APLP2: variants seen among roughly 807,000 people sequenced by gnomAD.
The protein encoded by APLP2 is amyloid beta precursor like protein 2, also known as CDEI box-binding protein.
In APLP2, 53 loss-of-function variants were observed where a neutral mutation model predicts 89.9. The ratio of observed to expected loss-of-function variants is 0.59; its 90% CI spans 0.47 to 0.74. APLP2 has a LOEUF of 0.74. Among genes scored for constraint, APLP2 ranks in the 30% least tolerant of loss-of-function variants. The pLI is 0.00. For synonymous variants in APLP2, 372 were observed against 348.6 expected (o/e 1.07, Z -0.75); for missense variants, 973 against 975.9 (o/e 1.00, Z 0.04).
At position 130,122,473 on chromosome 11, in the gene APLP2, C is replaced by G; in HGVS notation, c.882C>G (p.Asp294Glu). ...NEENPTEPGS[D>E]GTMSDKEITH... ...AGAATCCTACTGAACCCGGCAGCGA[C>G]GGCACCATGTCAGACAAGGAAATTA... Residue 294 changes from aspartate (D) to glutamate (E), a missense_variant, in exon 6 of 17, where the codon GAC becomes GAG. Asp to Glu is a conservative substitution (Grantham distance 45). Transcript: ENST00000338167. 2 of 1,614,110 alleles carry G rather than the reference C, an allele frequency of 1.2e-6. No individual in the cohort carries two copies. Among genetic ancestry groups the G allele is most frequent in the Admixed American group, 3.3e-5 (2 of 60,014 alleles).
At chr11:130,106,841 A>C (rs1565574479) in intron 1 of APLP2, among the ~76,000 whole-genome samples, 2 of 152,126 alleles carry the variant, frequency 1.3e-5, no homozygotes, top group Non-Finnish European at 2.9e-5. Flanking sequence ...GGCATCCGCC[A>C]CCACGCCTGG....
At chr11:130,129,949 T>C in intron 10 of APLP2, 89 bp from the exon 11 acceptor site, 1 of 1,461,188 alleles carries the variant, frequency 6.8e-7, no homozygotes, top group Non-Finnish European at 9.5e-7. Context: ...GAGCTTTACA[T>C]TCTTAAGTGA....
chr11:130,143,759 A>G lies in APLP2; in HGVS notation c.*311A>G. ...CCACTTCCATTGTATTGTCTGACAC[A>G]TGCTCTCAATATATAATAAATGGGA... On this transcript the variant is annotated 3_prime_UTR_variant, in exon 17 of 17. Transcript: ENST00000338167. 7.3e-6 allele frequency: 2 copies of G among 275,428 alleles called. No individual in the cohort carries two copies. The highest frequency in any genetic ancestry group is 1.4e-5 in the Non-Finnish European group (2 of 141,582). The allele number at this position is 275,428 out of a possible 1,614,324, so 17.1% of individuals were successfully genotyped here.
At position 130,123,530 on chromosome 11, in the gene APLP2, C is replaced by A; in HGVS notation, c.923-82C>A. The A allele has an allele frequency of 6.8e-7, 1 of 1,461,422 alleles. No individual in the cohort carries two copies. The highest frequency in any genetic ancestry group is 9.2e-7 in the Non-Finnish European group (1 of 1,081,384). 90.5% of individuals were successfully genotyped at this position (1,461,422 alleles called of 1,614,324 possible). A position where few individuals can be genotyped will look rare whatever the true frequency, so the allele number is the denominator to read the frequency against. On this transcript the variant is annotated intron_variant, in intron 6 of 16. Coordinates refer to ENST00000338167, the MANE Select transcript of APLP2 (RefSeq NM_001142276.2). The surrounding 1 kb of genome is among the most constrained non-coding windows in gnomAD (Gnocchi z 4.0). ...GTCTCAGGCCTCCCCCAGCCCATCC[C>A]CCAGCTCGCCAGCCTGTAGCATTTT...
chr11:130,079,189 C>G (rs1942703277), intron 1 of APLP2, among the ~76,000 whole-genome samples: 1 of 152,066 alleles, frequency 6.6e-6, no homozygotes, highest in South Asian at 2.1e-4. Flanking sequence ...ACCTTTGTCT[C>G]CCGGGTTCAA....
rs989155736 is a variant in APLP2, at chr11:130,123,550, C to G, written c.923-62C>G. The G allele has an allele frequency of 1.3e-6, 2 of 1,534,284 alleles. No homozygotes were observed. The highest frequency in any genetic ancestry group is 1.8e-6 in the Non-Finnish European group (2 of 1,131,248). On this transcript the variant is annotated intron_variant, in intron 6 of 16. Transcript: ENST00000338167. The surrounding 1 kb of genome is among the most constrained non-coding windows in gnomAD (Gnocchi z 4.0). ...CATCCCCCAGCTCGCCAGCCTGTAG[C>G]ATTTTGAAGCATTTGACGTCACTGC...
chr11:130,072,474 C>CTTT (rs562054930), intron 1 of APLP2, among the ~76,000 whole-genome samples: 2 of 110,292 alleles, frequency 1.8e-5, no homozygotes. Context: ...GGAATATCGT[C>CTTT]TTTTTTTTTT....
chr11:130,142,345 C>T (rs990682662), intron 16 of APLP2, among the ~76,000 whole-genome samples: 2 of 151,992 alleles, frequency 1.3e-5, no homozygotes, highest in Admixed American at 6.5e-5. Context: ...AAACTCTTTT[C>T]TCAGATTATT....
chr11:130,107,193 G>GGTA (rs1555138280), intron 1 of APLP2, among the ~76,000 whole-genome samples: 1 of 152,028 alleles, frequency 6.6e-6, no homozygotes, highest in Non-Finnish European at 1.5e-5. Context: ...TTCTTTTGTG[G>GGTA]GTAAATTAAG....
chr11:130,117,627 T>C (rs974687035), intron 3 of APLP2, among the ~76,000 whole-genome samples: 8 of 152,136 alleles, frequency 5.3e-5, no homozygotes, highest in Non-Finnish European at 1.2e-4. Context: ...CTGGTCTCAG[T>C]TCTTTTGCAA....
chr11:130,143,582 A>T lies in APLP2; in HGVS notation c.*134A>T. ...TCCTGACCTCCTGGACTGTAGGACT[A>T]TATAAAGTACTACTGTAGAACTGCA... On this transcript the variant is annotated 3_prime_UTR_variant, in exon 17 of 17. Coordinates refer to ENST00000338167, the MANE Select transcript of APLP2 (RefSeq NM_001142276.2). The T allele has an allele frequency of 1.4e-6, 1 of 692,632 alleles. No individual in the cohort carries two copies. The highest frequency in any genetic ancestry group is 2.5e-6 in the Non-Finnish European group (1 of 394,706). 42.9% of individuals were successfully genotyped at this position (692,632 alleles called of 1,614,324 possible).
intron 1 of APLP2, among the ~76,000 whole-genome samples, chr11:130,093,750 AT>A (rs879698044): frequency 2.2e-4 from 33 of 148,358 alleles, no homozygotes; most frequent in South Asian, 2.1e-4. Context: ...TTTTTTATTT[AT>A]TTTTTTTTTT....
chr11:130,100,138 A>G lies in APLP2; in HGVS notation c.106-9291A>G, dbSNP rs533856869. 3.9e-5 allele frequency: 6 copies of G among 152,362 alleles called. No homozygotes were observed. In the East Asian group the frequency reaches 1.2e-3, roughly 29 times the overall value. 9.4% of individuals were successfully genotyped at this position (152,362 alleles called of 1,614,324 possible). A position where few individuals can be genotyped will look rare whatever the true frequency, so the allele number is the denominator to read the frequency against. ...AGTTATTATTGTCATTACCTTATAGATGACGAAAGTGAAGCCCAGAGAGGC... is the reference window on the plus strand; with the variant it reads ...AGTTATTATTGTCATTACCTTATAGGTGACGAAAGTGAAGCCCAGAGAGGC... On this transcript the variant is annotated intron_variant, in intron 1 of 16. Transcript: ENST00000338167.
rs1565599461 is a variant in APLP2 at position 130,133,640 on chromosome 11, TCTC to T, written c.1598_1600del (p.Leu533del). 6.2e-7 allele frequency: 1 copy of T among 1,613,942 alleles called. No individual in the cohort carries two copies. The highest frequency in any genetic ancestry group is 1.7e-5 in the Admixed American group (1 of 60,030). On this transcript the variant is annotated inframe_deletion, in exon 12 of 17. Coordinates refer to ENST00000338167, the MANE Select transcript of APLP2 (RefSeq NM_001142276.2). ...AACTCTGCTTCCAGGTGATGACACATCTCCACGTGATTGAAGAAAGGAGGAACC... is the reference window on the plus strand; with the variant it reads ...AACTCTGCTTCCAGGTGATGACACATCACGTGATTGAAGAAAGGAGGAACC...
chr11:130,138,987 T>C (rs1385337582), intron 13 of APLP2: 1 of 152,082 alleles, frequency 6.6e-6, no homozygotes, highest in Non-Finnish European at 1.5e-5. Context: ...GAGAGAAACA[T>C]ATATATGGAA....
chr11:130,123,828 G>A lies in APLP2; in HGVS notation c.1090+49G>A, dbSNP rs1485907184. ...CCGTGCGGCAGCACCGTCCTGTCTGGCGTCCGTCTCCCTGCCGTCTTCGTG... is the reference window on the plus strand; with the variant it reads ...CCGTGCGGCAGCACCGTCCTGTCTGACGTCCGTCTCCCTGCCGTCTTCGTG... On this transcript the variant is annotated intron_variant, in intron 7 of 16. Coordinates refer to ENST00000338167, the MANE Select transcript of APLP2 (RefSeq NM_001142276.2). The surrounding 1 kb of genome is among the most constrained non-coding windows in gnomAD (Gnocchi z 4.0). 1.8e-5 allele frequency: 29 copies of A among 1,593,458 alleles called. No individual in the cohort carries two copies. Among genetic ancestry groups the A allele is most frequent in the Non-Finnish European group, 2.4e-5 (28 of 1,167,410 alleles).
intron 3 of APLP2, among the ~76,000 whole-genome samples, chr11:130,111,784 T>C (rs1164881528): frequency 1.3e-5 from 2 of 152,228 alleles, no homozygotes; most frequent in Non-Finnish European, 2.9e-5. Flanking sequence ...CTGTTCTGTT[T>C]GGCTCTGAGA....
chr11:130,083,435 A>G (rs886461521), intron 1 of APLP2, among the ~76,000 whole-genome samples: 2 of 152,202 alleles, frequency 1.3e-5, no homozygotes, highest in African/African-American at 4.8e-5. Flanking sequence ...TTATACAGCA[A>G]ATCTCTAGAA....
chr11:130,120,736 T>C lies in APLP2; in HGVS notation c.434T>C (p.Val145Ala), dbSNP rs1949717034. ...GAATTTGTAAGTGATGTCCTGCTAG[T>C]TCCAGAAAAGTGCCAGTTTTTCCAC... ...VGEFVSDVLL[V>A]PEKCQFFHKE... The change falls in exon 4 of 17, where the codon GTT (valine) becomes GCT (alanine). Residue 145 changes from valine (V) to alanine (A), a missense_variant. Transcript: ENST00000338167. 1.9e-6 allele frequency: 3 copies of C among 1,613,990 alleles called. No homozygotes were observed. Among genetic ancestry groups the C allele is most frequent in the Non-Finnish European group, 1.7e-6 (2 of 1,179,870 alleles).
Sources: gnomAD v4.1 joint callset for allele counts (sites outside exome capture counted in the v4.1 genomes callset) on GRCh38, gnomAD v4.1.1 for gene constraint, Gnocchi (gnomAD v3.1) non-coding constraint, MANE v1.5 for transcripts, NCBI Gene and HGNC (gene_info 2026-07-23, HGNC 2026-07-21) for gene names.